TNS1: variants seen among roughly 807,000 people sequenced by gnomAD.
The protein encoded by TNS1 is tensin 1, also known as tensin-1.
A neutral mutation model predicts 168.6 loss-of-function variants in TNS1; 62 were observed. The observed-to-expected ratio is 0.37, with a 90% CI of 0.30 to 0.45. TNS1 has a LOEUF of 0.45. Ranked by LOEUF, TNS1 falls within the 20% of genes least tolerant of loss-of-function variation. TNS1 has a pLI of 1.00. For missense variants in TNS1, 2,240 were observed against 2,339.4 expected (o/e 0.96, Z 0.88); for synonymous variants, 934 against 933.2 (o/e 1.00, Z -0.02).
At chr2:217,984,532 A>T (rs1435891485) in intron 2 of TNS1, among the ~76,000 whole-genome samples, 1 of 152,026 alleles carries the variant, frequency 6.6e-6, no homozygotes, top group Admixed American at 6.6e-5. Flanking sequence ...CTGTCACTCA[A>T]GCTGGAGTGC....
chr2:217,995,019 G>A lies in TNS1; in HGVS notation c.34-3963C>T, dbSNP rs1958443247. On this transcript the variant is annotated intron_variant, in intron 1 of 32. Transcript: ENST00000682258. This position sits in a 1 kb window ranked among gnomAD's most constrained non-coding sequence, Gnocchi z 4.1. ...GACAGTCTGAGTGTAGAGAGAGGGG[G>A]AAATGACACAACATTCCCTTTGGAA... Among the ~76,000 whole-genome samples, 1 of 152,152 alleles carries A rather than the reference G, an allele frequency of 6.6e-6. No individual in the cohort carries two copies. Among genetic ancestry groups the A allele is most frequent in the African/African-American group, 2.4e-5 (1 of 41,424 alleles).
chr2:217,862,893 C>T (rs990862159), intron 18 of TNS1, among the ~76,000 whole-genome samples: 16 of 152,214 alleles, frequency 1.1e-4, no homozygotes, highest in African/African-American at 3.6e-4. Context: ...ACAATGAAGA[C>T]ACACTTCCCA....
intron 19 of TNS1, among the ~76,000 whole-genome samples, chr2:217,845,445 G>T (rs758366839): frequency 2.0e-5 from 3 of 152,184 alleles, no homozygotes; most frequent in Non-Finnish European, 4.4e-5. Context: ...GGCTACTAAG[G>T]AAGTTACTCA....
chr2:217,888,957 C>G (rs1279640552), intron 12 of TNS1, among the ~76,000 whole-genome samples: 1 of 152,192 alleles, frequency 6.6e-6, no homozygotes, highest in Non-Finnish European at 1.5e-5. Flanking sequence ...ACTCTCTACC[C>G]ATTCTCTCCA....
upstream of TNS1, among the ~76,000 whole-genome samples, chr2:218,014,729 C>G (rs988973278): frequency 1.3e-5 from 2 of 152,184 alleles, no homozygotes; most frequent in African/African-American, 4.8e-5. Context: ...CTGTCTCACC[C>G]CTTTTCCTAC....
chr2:217,953,679 G>C (rs1300854558), intron 3 of TNS1, among the ~76,000 whole-genome samples: 1 of 152,140 alleles, frequency 6.6e-6, no homozygotes, highest in African/African-American at 2.4e-5. Context: ...CCACAATCCT[G>C]GTGACGCCCT....
rs1949872263 is a variant in TNS1, at chr2:217,872,673, G to T, written c.1429+8225C>A. 2.6e-5 allele frequency among the ~76,000 whole-genome samples: 4 copies of T among 152,206 alleles called. No individual in the cohort carries two copies. The South Asian group carries it at 8.3e-4, about 31-fold the overall frequency. On this transcript the variant is annotated intron_variant, in intron 18 of 32. Transcript: ENST00000682258. ...AAATGATGACACAGGTGATCCAGCA[G>T]TTCCACTCCTGGCTATCTACCCAAG...
intron 2 of TNS1, 182 bp from the exon 3 acceptor site, chr2:217,978,984 G>A: frequency 1.7e-6 from 1 of 602,062 alleles, no homozygotes; most frequent in Non-Finnish European, 3.0e-6. Context: ...CCGGGCCTGC[G>A]GGGCGGGAGT....
intron 3 of TNS1, among the ~76,000 whole-genome samples, chr2:217,964,102 C>T (rs1411286062): frequency 2.0e-5 from 3 of 152,138 alleles, no homozygotes; most frequent in Non-Finnish European, 4.4e-5. Context: ...GTTCGGGAGG[C>T]CTCAGTAAAG....
chr2:218,001,553 G>A (rs1458008927), intron 1 of TNS1, among the ~76,000 whole-genome samples: 1 of 152,098 alleles, frequency 6.6e-6, no homozygotes, highest in African/African-American at 2.4e-5. Context: ...GCCTACCTCT[G>A]TCCTCAGCAC....
In TNS1 at chr2:217,988,858, C is replaced by T. The variant is rs536064265; in HGVS notation, c.148+2084G>A. Among the ~76,000 whole-genome samples the T allele has an allele frequency of 2.0e-5, 3 of 152,284 alleles. No homozygotes were observed. The South Asian group carries it at 6.2e-4, about 32-fold the overall frequency. ...AACCTCAGTTTCCTCCTCTGTAAAA[C>T]GGGGATGACACAAGCACCTTTTGGG... On this transcript the variant is annotated intron_variant, in intron 2 of 32. Coordinates refer to ENST00000682258, the MANE Select transcript of TNS1 (RefSeq NM_001387777.1).
chr2:217,897,674 A>C, intron 8 of TNS1, 124 bp downstream of exon 8: 1 of 1,080,438 alleles, frequency 9.3e-7, no homozygotes. Flanking sequence ...GGAAAGGCAG[A>C]TAAACAAAGA....
At chr2:218,008,387 T>G (rs1015619473) in intron 1 of TNS1, among the ~76,000 whole-genome samples, 2 of 152,154 alleles carry the variant, frequency 1.3e-5, no homozygotes, top group Non-Finnish European at 2.9e-5. Context: ...ATCCTCTACC[T>G]CCGCAAATGG....
At chr2:218,010,326 C>T (rs931988019) in exon 1 of TNS1, 77 of 395,898 alleles carry the variant, frequency 1.9e-4, no homozygotes, top group Non-Finnish European at 3.3e-4. Flanking sequence ...CCGGGTCTCC[C>T]GGAGGCTCAG....
At chr2:218,006,064 C>G (rs1362514323), upstream of TNS1, among the ~76,000 whole-genome samples, 1 of 152,242 alleles carries the variant, frequency 6.6e-6, no homozygotes, top group Non-Finnish European at 1.5e-5. Flanking sequence ...CAGAACCCAG[C>G]CCCAACCCTG....
chr2:217,937,156 G>A (rs1956653015), intron 3 of TNS1: 8 of 400,574 alleles, frequency 2.0e-5, no homozygotes, highest in Middle Eastern at 4.4e-4. Flanking sequence ...TTCCCACTGC[G>A]TTTTGCAGCA....
chr2:217,941,069 C>T (rs578171615), intron 3 of TNS1, among the ~76,000 whole-genome samples: 1 of 152,326 alleles, frequency 6.6e-6, no homozygotes, highest in South Asian at 2.1e-4. Context: ...CCGGACAACC[C>T]GCATTATTTA....
At position 217,848,236 on chromosome 2, in the gene TNS1, C is replaced by G. The variant is rs748730030; in HGVS notation, c.2281G>C (p.Gly761Arg). The G allele has an allele frequency of 1.3e-6, 2 of 1,573,858 alleles. No homozygotes were observed. The highest frequency in any genetic ancestry group is 2.4e-5 in the South Asian group (2 of 83,664). Residue 761 changes from glycine (G) to arginine (R), a missense_variant, in exon 19 of 33, where the codon GGG (glycine) becomes CGG (arginine). Gly to Arg is a moderately radical substitution (Grantham distance 125). This residue lies in a region of TNS1 where 2,131 missense variants were observed against 2,171.2 expected (regional missense o/e 0.98). Coordinates refer to ENST00000682258, the MANE Select transcript of TNS1 (RefSeq NM_001387777.1). ...EPQLPPAPVR[G>R]GSSREAVQRG... ...TGCACAGCCTCCCGGCTGCTTCCCC[C>G]TCGGACCGGAGCTGGGGGCAGCTGG...
At chr2:217,886,488 G>A in intron 13 of TNS1, 46 bp downstream of exon 13, 1 of 1,442,080 alleles carries the variant, frequency 6.9e-7, no homozygotes, top group Non-Finnish European at 9.6e-7. Context: ...GAAGATGAAA[G>A]GGAGGAGTTG....
Sources: allele counts gnomAD v4.1 joint callset (sites outside exome capture counted in the v4.1 genomes callset), GRCh38; gene constraint gnomAD v4.1.1; regional missense constraint gnomAD v4.1.1; non-coding constraint Gnocchi (gnomAD v3.1); transcripts MANE v1.5; gene names NCBI Gene and HGNC (gene_info 2026-07-23, HGNC 2026-07-21).